ARB2A: variants seen among roughly 807,000 people sequenced by gnomAD.
ARB2A encodes the protein ARB2 cotranscriptional regulator A.
the ARB2A span, among the ~76,000 whole-genome samples, chr5:93,979,240 G>A: frequency 6.6e-6 from 1 of 152,028 alleles, no homozygotes; most frequent in Non-Finnish European, 1.5e-5. Flanking sequence ...TTTCAGCTTT[G>A]AGCAATGACC....
chr5:93,850,475 T>C, the ARB2A span, among the ~76,000 whole-genome samples: 1 of 152,128 alleles, frequency 6.6e-6, no homozygotes, highest in Non-Finnish European at 1.5e-5. Flanking sequence ...ATCCTTATTA[T>C]GATCAGGATG....
the ARB2A span, chr5:93,881,510 T>C: frequency 6.2e-7 from 1 of 1,610,646 alleles, no homozygotes; most frequent in Non-Finnish European, 8.5e-7. Context: ...TCTTTGGGGG[T>C]TACGATACTT....
At chr5:94,097,101 G>A in the ARB2A span, among the ~76,000 whole-genome samples, 1 of 152,150 alleles carries the variant, frequency 6.6e-6, no homozygotes, top group Non-Finnish European at 1.5e-5. Flanking sequence ...AGCCAGGGAC[G>A]GCTATCCCCC....
At chr5:93,973,118 T>G in the ARB2A span, among the ~76,000 whole-genome samples, 5 of 125,890 alleles carry the variant, frequency 4.0e-5, no homozygotes, top group Admixed American at 9.3e-5. Context: ...CCAGATAATT[T>G]TTAAATTTTT....
At chr5:94,048,051 C>CTTTTTTTTTTTTTTTTTTTTTTTTTT in the ARB2A span, among the ~76,000 whole-genome samples, 4 of 96,086 alleles carry the variant, frequency 4.2e-5, no homozygotes, top group African/African-American at 1.2e-4. Flanking sequence ...AATCGGTAAG[C>CTTTTTTTTTTTTTTTTTTTTTTTTTT]TTTTTTTTTT....
At chr5:94,024,588 T>C in the ARB2A span, among the ~76,000 whole-genome samples, 1 of 151,932 alleles carries the variant, frequency 6.6e-6, no homozygotes, top group African/African-American at 2.4e-5. Context: ...ACACACCTAG[T>C]AAAGGTAGAA....
chr5:93,799,041 A>G, the ARB2A span, among the ~76,000 whole-genome samples: 1 of 152,146 alleles, frequency 6.6e-6, no homozygotes, highest in Non-Finnish European at 1.5e-5. Context: ...TACTATGGAA[A>G]TGAAGGTGGA....
At chr5:93,768,558 C>CT in the ARB2A span, among the ~76,000 whole-genome samples, 1 of 150,986 alleles carries the variant, frequency 6.6e-6, no homozygotes, top group Non-Finnish European at 1.5e-5. Context: ...CATTTATACA[C>CT]TATATATACA....
chr5:93,718,590 A>G, the ARB2A span, among the ~76,000 whole-genome samples: 3 of 152,212 alleles, frequency 2.0e-5, no homozygotes, highest in Non-Finnish European at 4.4e-5. Flanking sequence ...AACTACATTA[A>G]CAGTCATACA....
At chr5:93,865,308 C>T in the ARB2A span, 323 of 678,262 alleles carry the variant, frequency 4.8e-4, 1 homozygote, top group African/African-American at 6.0e-3. Flanking sequence ...GTCTCGATCT[C>T]CTGACCTTGT....
chr5:93,787,937 T>C, the ARB2A span, among the ~76,000 whole-genome samples: 1 of 152,190 alleles, frequency 6.6e-6, no homozygotes, highest in East Asian at 1.9e-4. Flanking sequence ...ATAAATCATA[T>C]TGATGATTTC....
At chr5:94,010,322 AT>A in the ARB2A span, among the ~76,000 whole-genome samples, 1 of 152,028 alleles carries the variant, frequency 6.6e-6, no homozygotes, top group African/African-American at 2.4e-5. Flanking sequence ...ATTTAGAATC[AT>A]TTTGCTTAGC....
chr5:94,097,359 C>A, the ARB2A span, among the ~76,000 whole-genome samples: 1 of 152,208 alleles, frequency 6.6e-6, no homozygotes, highest in East Asian at 1.9e-4. Flanking sequence ...TGTCACCTAA[C>A]CATCGAAGAA....
At chr5:93,676,862 G>C in the ARB2A span, among the ~76,000 whole-genome samples, 1 of 152,142 alleles carries the variant, frequency 6.6e-6, no homozygotes, top group Admixed American at 6.5e-5. Context: ...CATTTTTGGT[G>C]CTCAATGACT....
chr5:93,857,924 C>A, the ARB2A span, among the ~76,000 whole-genome samples: 1 of 152,214 alleles, frequency 6.6e-6, no homozygotes, highest in Non-Finnish European at 1.5e-5. Context: ...ATTCGGCCAT[C>A]TTGGCTGCCC....
the ARB2A span, among the ~76,000 whole-genome samples, chr5:93,770,449 C>T: frequency 6.1e-3 from 923 of 152,200 alleles, 6 homozygotes; most frequent in Non-Finnish European, 0.01. Context: ...GTTGGAAGTT[C>T]TGGCCAGGGC....
chr5:93,676,345 G>A, the ARB2A span, among the ~76,000 whole-genome samples: 1 of 152,118 alleles, frequency 6.6e-6, no homozygotes, highest in South Asian at 2.1e-4. Context: ...TATTTAATTA[G>A]TAGAGTACTA....
chr5:93,713,448 T>TA, the ARB2A span, among the ~76,000 whole-genome samples: 1 of 151,890 alleles, frequency 6.6e-6, no homozygotes, highest in African/African-American at 2.4e-5. Context: ...AAGAGGTACA[T>TA]AAAAAAAAGT....
At chr5:93,769,910 C>T in the ARB2A span, among the ~76,000 whole-genome samples, 3 of 152,084 alleles carry the variant, frequency 2.0e-5, no homozygotes, top group African/African-American at 7.2e-5. Flanking sequence ...CACTCAGTAG[C>T]AAGTTCTGTC....
Sources: allele counts gnomAD v4.1 joint callset (sites outside exome capture counted in the v4.1 genomes callset), GRCh38; gene constraint gnomAD v4.1.1; transcripts MANE v1.5; gene names NCBI Gene and HGNC (gene_info 2026-07-23, HGNC 2026-07-21).